Variants in PTPRD observed in about 807,000 individuals in gnomAD.
PTPRD encodes the protein protein tyrosine phosphatase receptor type D.
In PTPRD, 34 loss-of-function variants were observed where a neutral mutation model predicts 214.5. The observed-to-expected ratio is 0.16, with a 90% CI of 0.12 to 0.21. PTPRD has a LOEUF of 0.21. PTPRD is among the 10% of genes least tolerant of loss of function. PTPRD has a pLI of 1.00. For missense variants in PTPRD, 2,545 were observed against 2,398.7 expected, an observed-to-expected ratio of 1.06 and a Z score of -1.27; for synonymous variants, 1,128 against 845.7, an observed-to-expected ratio of 1.33 and a Z score of -5.79.
At chr9:9,827,122 C>A (rs956333835) in intron 5 of PTPRD, among the ~76,000 whole-genome samples, 2 of 152,082 alleles carry the variant, frequency 1.3e-5, no homozygotes, top group African/African-American at 2.4e-5. Flanking sequence ...CATCAAGCTA[C>A]CAATGACTTT....
At chr9:8,946,359 G>A (rs566610090) in intron 11 of PTPRD, among the ~76,000 whole-genome samples, 1 of 152,080 alleles carries the variant, frequency 6.6e-6, no homozygotes, top group Admixed American at 6.6e-5. Context: ...CAGTATATAG[G>A]TTTCGAGGGT....
chr9:10,523,133 T>C (rs190601440), intron 2 of PTPRD, among the ~76,000 whole-genome samples: 3 of 152,070 alleles, frequency 2.0e-5, no homozygotes, highest in Admixed American at 2.0e-4. Context: ...AAAATCAGAG[T>C]GGTAGGTCTT....
chr9:10,009,728 A>G (rs917780572), intron 4 of PTPRD, among the ~76,000 whole-genome samples: 2 of 152,000 alleles, frequency 1.3e-5, no homozygotes, highest in Admixed American at 1.3e-4. Flanking sequence ...TCTCCCGCAA[A>G]GGACAGCTTT....
intron 22 of PTPRD, among the ~76,000 whole-genome samples, chr9:8,505,884 G>C (rs1218874482): frequency 6.6e-6 from 1 of 152,070 alleles, no homozygotes; most frequent in African/African-American, 2.4e-5. Flanking sequence ...TTTTAGTTTG[G>C]TGGTCGTGAT....
chr9:10,398,878 C>A (rs1251889044), intron 2 of PTPRD, among the ~76,000 whole-genome samples: 1 of 151,928 alleles, frequency 6.6e-6, no homozygotes. Flanking sequence ...GAATAAATAA[C>A]TTATCTAAGA....
intron 6 of PTPRD, among the ~76,000 whole-genome samples, chr9:9,756,076 T>C (rs2098571023): frequency 6.6e-6 from 1 of 152,068 alleles, no homozygotes; most frequent in Non-Finnish European, 1.5e-5. Context: ...TATATTCCTC[T>C]TATTTTTAGA....
chr9:10,382,911 T>A (rs1231203561), intron 2 of PTPRD, among the ~76,000 whole-genome samples: 17 of 151,790 alleles, frequency 1.1e-4, no homozygotes, highest in Admixed American at 1.1e-3. Context: ...AAGTGTGGTG[T>A]AGAGTGAGGA....
intron 2 of PTPRD, among the ~76,000 whole-genome samples, chr9:10,542,092 CCTT>C (rs146881062): frequency 2.6e-5 from 4 of 152,062 alleles, no homozygotes; most frequent in East Asian, 1.9e-4. Flanking sequence ...TTTTGTAATT[CCTT>C]CTTATCTTGA....
intron 12 of PTPRD, among the ~76,000 whole-genome samples, chr9:8,724,381 G>C (rs2098535340): frequency 6.6e-6 from 1 of 152,060 alleles, no homozygotes; most frequent in South Asian, 2.1e-4. Context: ...AAGCAGTCTA[G>C]CCTCCTTAAA....
intron 8 of PTPRD, among the ~76,000 whole-genome samples, chr9:9,565,445 G>T (rs914164789): frequency 2.6e-5 from 4 of 151,854 alleles, no homozygotes; most frequent in African/African-American, 9.7e-5. Context: ...GATTGGAAAG[G>T]AAGGTATAAA....
intron 3 of PTPRD, among the ~76,000 whole-genome samples, chr9:10,262,438 C>G (rs183680148): frequency 2.0e-4 from 30 of 152,216 alleles, no homozygotes; most frequent in Admixed American, 1.4e-3. Context: ...AAGATTTGAG[C>G]CATTTGTTCA....
chr9:10,164,053 G>T (rs1387297861), intron 3 of PTPRD, among the ~76,000 whole-genome samples: 1 of 151,426 alleles, frequency 6.6e-6, no homozygotes, highest in African/African-American at 2.4e-5. Flanking sequence ...CAGGATAGAA[G>T]AATATCATCA....
intron 3 of PTPRD, among the ~76,000 whole-genome samples, chr9:10,108,870 GTTT>G: frequency 6.8e-6 from 1 of 146,326 alleles, no homozygotes; most frequent in East Asian, 2.0e-4. Flanking sequence ...CGTAAAGAGG[GTTT>G]TTTTTTTTGT....
intron 7 of PTPRD, among the ~76,000 whole-genome samples, chr9:9,686,124 G>C (rs1595193187): frequency 6.6e-6 from 1 of 151,106 alleles, no homozygotes; most frequent in Non-Finnish European, 1.5e-5. Context: ...ATATCTGTTG[G>C]ATTTTTGTTG....
chr9:9,017,799 A>C (rs552055210), intron 11 of PTPRD, among the ~76,000 whole-genome samples: 2 of 152,280 alleles, frequency 1.3e-5, no homozygotes, highest in African/African-American at 4.8e-5. Flanking sequence ...TTGTAGTTTA[A>C]ATTACGTAAA....
At chr9:10,529,565 T>C (rs1378030116) in intron 2 of PTPRD, among the ~76,000 whole-genome samples, 1 of 135,056 alleles carries the variant, frequency 7.4e-6, no homozygotes, top group Non-Finnish European at 1.6e-5. Flanking sequence ...ACGGGGCCTG[T>C]TGGGGGATGG....
chr9:8,315,095 C>T lies in PTPRD; in HGVS notation c.*2779G>A, dbSNP rs1820977606. The T allele has an allele frequency of 4.3e-6, 1 of 232,282 alleles. No individual in the cohort carries two copies. Among genetic ancestry groups the T allele is most frequent in the Non-Finnish European group, 8.5e-6 (1 of 117,322 alleles). The allele number at this position is 232,282 out of a possible 1,614,324, so 14.4% of individuals were successfully genotyped here. The stretch of plus-strand genomic sequence containing the variant: ...TTATGATGATGAAAATAACTGGAAA[C>T]TTGAAAGCTTGTGGTAATGGCAGAT... On this transcript the variant is annotated 3_prime_UTR_variant, in exon 46 of 46. Coordinates refer to ENST00000381196, the MANE Select transcript of PTPRD (RefSeq NM_002839.4).
intron 7 of PTPRD, among the ~76,000 whole-genome samples, chr9:9,597,882 G>A (rs757360831): frequency 1.3e-5 from 2 of 152,024 alleles, no homozygotes; most frequent in African/African-American, 2.4e-5. Flanking sequence ...TAAATAAGCA[G>A]TGTTGATAAA....
intron 3 of PTPRD, among the ~76,000 whole-genome samples, chr9:10,110,507 C>T (rs1308429936): frequency 1.3e-5 from 2 of 151,970 alleles, no homozygotes; most frequent in East Asian, 3.9e-4. Context: ...AAGTGAATCA[C>T]AGAGAGAAAG....
Sources: allele counts gnomAD v4.1 joint callset (sites outside exome capture counted in the v4.1 genomes callset), GRCh38; gene constraint gnomAD v4.1.1; transcripts MANE v1.5; gene names NCBI Gene and HGNC (gene_info 2026-07-23, HGNC 2026-07-21).